The following ASTN2 variants were observed in gnomAD, a reference collection of about 807,000 sequenced individuals.
ASTN2 encodes the protein astrotactin-2.
A neutral mutation model predicts 139.8 loss-of-function variants in ASTN2; 54 were observed. The ratio of observed to expected loss-of-function variants is 0.39; its 90% confidence interval spans 0.31 to 0.48. ASTN2 has a LOEUF of 0.48. Ranked by LOEUF, ASTN2 falls within the 20% of genes least tolerant of loss-of-function variation. ASTN2 has a pLI of 0.95. For synonymous variants in ASTN2, 756 were observed against 719.5 expected, an observed-to-expected ratio of 1.05 and a Z score of -0.81; for missense variants, 1,565 against 1,725.1, an observed-to-expected ratio of 0.91 and a Z score of 1.64.
At chr9:116,949,871 A>G (rs2132484068) in intron 10 of ASTN2, among the ~76,000 whole-genome samples, 1 of 152,342 alleles carries the variant, frequency 6.6e-6, no homozygotes, top group South Asian at 2.1e-4. Context: ...AATTGTACCT[A>G]TCTCATAATG....
At chr9:117,181,236 T>G in intron 3 of ASTN2, 1 of 565,958 alleles carries the variant, frequency 1.8e-6, no homozygotes, top group Non-Finnish European at 3.2e-6. Flanking sequence ...TTCACAGCAA[T>G]GTATAAGCTG....
intron 13 of ASTN2, among the ~76,000 whole-genome samples, chr9:116,782,540 C>A (rs1830246695): frequency 6.6e-6 from 1 of 152,162 alleles, no homozygotes; most frequent in African/African-American, 2.4e-5. Flanking sequence ...GACTGCCACC[C>A]ACTCTGGATG....
chr9:116,728,545 G>C (rs1394429449), intron 15 of ASTN2, among the ~76,000 whole-genome samples: 1 of 152,022 alleles, frequency 6.6e-6, no homozygotes, highest in African/African-American at 2.4e-5. Context: ...GGGGTGTGGG[G>C]GTTATATAAG....
intron 17 of ASTN2, among the ~76,000 whole-genome samples, chr9:116,647,331 G>A (rs1325179818): frequency 6.6e-6 from 1 of 152,076 alleles, no homozygotes; most frequent in Non-Finnish European, 1.5e-5. Context: ...CATACAGTGG[G>A]GGCTCAAAGA....
At chr9:116,658,733 CTTTTTTTTTTT>C (rs71502074) in intron 16 of ASTN2, among the ~76,000 whole-genome samples, 134 of 101,118 alleles carry the variant, frequency 1.3e-3, no homozygotes, top group Admixed American at 1.4e-3. Context: ...GACCACCGCT[CTTTTTTTTTTT>C]TTTTTTTTTT....
chr9:116,964,594 T>C (rs1374803698), intron 10 of ASTN2, among the ~76,000 whole-genome samples: 1 of 152,150 alleles, frequency 6.6e-6, no homozygotes, highest in African/African-American at 2.4e-5. Context: ...ATAAAAAATA[T>C]GCGTCAGAAG....
chr9:117,053,775 A>G (rs1030329031), intron 5 of ASTN2, among the ~76,000 whole-genome samples: 4 of 152,196 alleles, frequency 2.6e-5, no homozygotes, highest in African/African-American at 7.2e-5. Flanking sequence ...CAGGCCAAAG[A>G]AGACTCTGTC....
At chr9:116,985,367 T>A (rs886156282) in intron 7 of ASTN2, among the ~76,000 whole-genome samples, 6 of 152,216 alleles carry the variant, frequency 3.9e-5, no homozygotes, top group African/African-American at 1.4e-4. Flanking sequence ...TGATCAGGTC[T>A]GATAAGAGAT....
chr9:117,252,685 C>T (rs1487945557), intron 2 of ASTN2, among the ~76,000 whole-genome samples: 1 of 152,156 alleles, frequency 6.6e-6, no homozygotes, highest in Non-Finnish European at 1.5e-5. Context: ...TTATCATCAC[C>T]CTCATTTGTC....
chr9:117,027,614 T>A (rs1838125328), intron 6 of ASTN2, among the ~76,000 whole-genome samples: 2 of 152,062 alleles, frequency 1.3e-5, no homozygotes, highest in Admixed American at 1.3e-4. Flanking sequence ...TCCAGTTTCC[T>A]CAAATGGGAA....
intron 19 of ASTN2, among the ~76,000 whole-genome samples, chr9:116,566,261 T>A (rs1237438455): frequency 6.6e-6 from 1 of 152,200 alleles, no homozygotes; most frequent in East Asian, 1.9e-4. Flanking sequence ...TGTTCTTTCA[T>A]ATGTTGGGCC....
chr9:116,524,305 C>T (rs1270770275), intron 19 of ASTN2, among the ~76,000 whole-genome samples: 2 of 152,068 alleles, frequency 1.3e-5, no homozygotes, highest in East Asian at 1.9e-4. Flanking sequence ...AAATGTAACT[C>T]GATTGACTGG....
chr9:117,335,320 C>T (rs1010225487), intron 1 of ASTN2, among the ~76,000 whole-genome samples: 1 of 152,122 alleles, frequency 6.6e-6, no homozygotes, highest in Non-Finnish European at 1.5e-5. Context: ...ATGATATCTC[C>T]AAATTGCTAT....
chr9:116,600,654 C>T (rs1854846224), intron 19 of ASTN2, among the ~76,000 whole-genome samples: 1 of 152,162 alleles, frequency 6.6e-6, no homozygotes, highest in African/African-American at 2.4e-5. Context: ...GTCCTTCAAT[C>T]CATACTTCAT....
At chr9:116,868,416 G>A (rs1833072276) in intron 10 of ASTN2, among the ~76,000 whole-genome samples, 1 of 152,038 alleles carries the variant, frequency 6.6e-6, no homozygotes, top group East Asian at 1.9e-4. Flanking sequence ...CTGTGTCTTG[G>A]GCAAGTCAGA....
chr9:116,881,164 C>T (rs763391227), intron 10 of ASTN2, among the ~76,000 whole-genome samples: 1 of 152,094 alleles, frequency 6.6e-6, no homozygotes, highest in African/African-American at 2.4e-5. Context: ...GCATAAATAC[C>T]CATACCCAAT....
intron 3 of ASTN2, among the ~76,000 whole-genome samples, chr9:117,166,275 A>G (rs1199512098): frequency 6.6e-6 from 1 of 152,102 alleles, no homozygotes; most frequent in Non-Finnish European, 1.5e-5. Flanking sequence ...GTCAGGTCAC[A>G]AAGGAGAGCC....
chr9:117,336,282 C>A (rs1828881972), intron 1 of ASTN2, among the ~76,000 whole-genome samples: 1 of 152,118 alleles, frequency 6.6e-6, no homozygotes. Context: ...GTCACTCATC[C>A]TTTATACAAA....
chr9:116,477,858 AAAG>A (rs1554768537), intron 20 of ASTN2, among the ~76,000 whole-genome samples: 809 of 4,704 alleles, frequency 0.17, 30 homozygotes, highest in African/African-American at 0.27. Context: ...CCTAATCAAA[AAAG>A]AAAAAAAAAA....
Sources: allele counts gnomAD v4.1 joint callset (sites outside exome capture counted in the v4.1 genomes callset), GRCh38; gene constraint gnomAD v4.1.1; transcripts MANE v1.5; gene names NCBI Gene and HGNC (gene_info 2026-07-23, HGNC 2026-07-21).